RPAP3: variants seen among roughly 807,000 people sequenced by gnomAD.
RPAP3 encodes RNA polymerase II-associated protein 3.
A neutral mutation model predicts 88.8 loss-of-function variants in RPAP3; 58 were observed. That is an observed-to-expected ratio of 0.65 (90% CI 0.53 to 0.81). RPAP3 has a LOEUF of 0.81. Ranked by LOEUF, RPAP3 falls within the 40% of genes least tolerant of loss-of-function variation. RPAP3 has a pLI of 0.00. For missense variants in RPAP3, 751 were observed against 764.3 expected (o/e 0.98, Z 0.20); for synonymous variants, 255 against 259.9 (o/e 0.98, Z 0.18).
intron 15 of RPAP3, 130 bp downstream of exon 15, chr12:47,667,624 T>C (rs1204721215): frequency 9.1e-6 from 5 of 548,848 alleles, no homozygotes; most frequent in Non-Finnish European, 1.3e-5. Context: ...AATTTTACCA[T>C]AGGCCAATTG....
chr12:47,687,798 G>T (rs930270314), intron 8 of RPAP3, 78 bp downstream of exon 8: 2 of 1,468,218 alleles, frequency 1.4e-6, no homozygotes, highest in Admixed American at 4.3e-5. Flanking sequence ...AGAGAAGAAA[G>T]AAATTAACTG....
At position 47,701,485 on chromosome 12, in the gene RPAP3, C is replaced by A; in HGVS notation, c.273G>T (p.Glu91Asp). The A allele has an allele frequency of 6.3e-7, 1 of 1,584,834 alleles. No homozygotes were observed. The highest frequency in any genetic ancestry group is 1.4e-5 in the African/African-American group (1 of 73,562). Reference sequence around the variant, plus strand: ...TTACCACATCAAGTTTTGCCCATGCCTCATAATCATAAGATTTTATCCTGT... The same window carrying A: ...TTACCACATCAAGTTTTGCCCATGCATCATAATCATAAGATTTTATCCTGT... ...TKNRIKSYDY[E>D]AWAKLDVDRI... is the part of the protein sequence containing the mutation. The change falls in exon 3 of 17, where the codon GAG (glutamate) becomes GAT (aspartate). Residue 91 changes from glutamate to aspartate, a missense_variant. Glu to Asp is a conservative substitution (Grantham distance 45). Transcript: ENST00000005386.
At chr12:47,675,221 T>G (rs1180984439) in intron 12 of RPAP3, among the ~76,000 whole-genome samples, 1 of 152,168 alleles carries the variant, frequency 6.6e-6, no homozygotes, top group African/African-American at 2.4e-5. Context: ...ACCACCCGGC[T>G]TGCCTTACAA....
intron 5 of RPAP3, among the ~76,000 whole-genome samples, chr12:47,691,895 G>A (rs1430412571): frequency 1.4e-4 from 22 of 152,014 alleles, no homozygotes; most frequent in Admixed American, 1.1e-3. Flanking sequence ...ACAGGTGCCC[G>A]CCACCACGCC....
At chr12:47,699,230 A>G (rs542606871) in intron 3 of RPAP3, among the ~76,000 whole-genome samples, 1 of 152,354 alleles carries the variant, frequency 6.6e-6, no homozygotes, top group East Asian at 1.9e-4. Context: ...GCAGGAGCTC[A>G]ATCAATATCT....
At chr12:47,701,394 C>T in intron 3 of RPAP3, 70 bp downstream of exon 3, 2 of 1,137,518 alleles carry the variant, frequency 1.8e-6, no homozygotes, top group Non-Finnish European at 2.5e-6. Context: ...TTCACTTAAC[C>T]CATGATTATC....
At chr12:47,705,342 G>C (rs556243077) in intron 1 of RPAP3, among the ~76,000 whole-genome samples, 1 of 152,316 alleles carries the variant, frequency 6.6e-6, no homozygotes, top group East Asian at 1.9e-4. Flanking sequence ...GCTTCTTTCA[G>C]GCAGTGTCCA....
At chr12:47,683,098 A>C (rs1384580376) in intron 9 of RPAP3, among the ~76,000 whole-genome samples, 1 of 152,058 alleles carries the variant, frequency 6.6e-6, no homozygotes, top group Non-Finnish European at 1.5e-5. Flanking sequence ...GCACTAGAAC[A>C]CTTGACCTGT....
Position 47,678,499 on chromosome 12 carries a change from T to G in RPAP3, c.1287+994A>C, listed in dbSNP as rs560907011. Among the ~76,000 whole-genome samples, 7 of 152,156 alleles carry G rather than the reference T, an allele frequency of 4.6e-5. No homozygotes were observed. In the South Asian group the frequency reaches 1.5e-3, roughly 32 times the overall value. On this transcript the variant is annotated intron_variant, in intron 12 of 16. Transcript: ENST00000005386. Reference sequence around the variant, plus strand: ...GGGAGAAAATTTTTGCAATCTACCCTCTGACAAAGGGCTAATATCCAGAAT... The same window carrying G: ...GGGAGAAAATTTTTGCAATCTACCCGCTGACAAAGGGCTAATATCCAGAAT...
In RPAP3 at chr12:47,702,762, C is replaced by T. The variant is rs200443326; in HGVS notation, c.79G>A (p.Asp27Asn). The T allele has an allele frequency of 4.3e-6, 7 of 1,612,584 alleles. No individual in the cohort carries two copies. The East Asian group carries it at 1.6e-4, about 36-fold the overall frequency. ...NAEELQDFMR[D>N]LENWEKDIKQ... ...ATGTCTTTTTCCCAGTTTTCTAAATCCCGCATAAAGTCTTGTAATTCTTCT... is the reference window on the plus strand; with the variant it reads ...ATGTCTTTTTCCCAGTTTTCTAAATTCCGCATAAAGTCTTGTAATTCTTCT... The change falls in exon 2 of 17, where the codon GAT (aspartate) becomes AAT (asparagine). Residue 27 changes from aspartate (D) to asparagine (N), a missense_variant. Asp to Asn is a conservative substitution (Grantham distance 23, BLOSUM62 1). Transcript: ENST00000005386.
intron 6 of RPAP3, 62 bp downstream of exon 6, chr12:47,690,456 T>C: frequency 7.3e-7 from 1 of 1,373,562 alleles, no homozygotes; most frequent in Non-Finnish European, 9.8e-7. Flanking sequence ...CTCAGTATTC[T>C]CCATATAGCA....
At chr12:47,677,981 C>CAT (rs1939150133) in intron 12 of RPAP3, among the ~76,000 whole-genome samples, 1 of 152,148 alleles carries the variant, frequency 6.6e-6, no homozygotes, top group Non-Finnish European at 1.5e-5. Context: ...AGGCATCAGG[C>CAT]TACCTGACCT....
At chr12:47,682,600 G>A (rs1452094096) in intron 9 of RPAP3, among the ~76,000 whole-genome samples, 3 of 151,572 alleles carry the variant, frequency 2.0e-5, no homozygotes, top group Non-Finnish European at 4.4e-5. Flanking sequence ...AAAAAAGTAT[G>A]GCTTGTTAGA....
chr12:47,677,106 G>A (rs1022546643), intron 12 of RPAP3, among the ~76,000 whole-genome samples: 7 of 152,086 alleles, frequency 4.6e-5, no homozygotes, highest in African/African-American at 1.7e-4. Flanking sequence ...ATCAATAAAC[G>A]TAATCCATCA....
At chr12:47,702,869 C>T (rs1162970776) in intron 1 of RPAP3, 23 bp from the exon 2 acceptor site, 8 of 1,597,748 alleles carry the variant, frequency 5.0e-6, no homozygotes, top group South Asian at 1.1e-5. Flanking sequence ...GAACAACCAA[C>T]CTCTGATAAG....
At chr12:47,697,531 A>G in intron 4 of RPAP3, 66 bp downstream of exon 4, 1 of 1,447,708 alleles carries the variant, frequency 6.9e-7, no homozygotes. Flanking sequence ...AAGAAACTTT[A>G]CGATCCACAT....
intron 3 of RPAP3, among the ~76,000 whole-genome samples, chr12:47,698,515 AT>A (rs1939583050): frequency 6.6e-6 from 1 of 151,962 alleles, no homozygotes; most frequent in Non-Finnish European, 1.5e-5. Flanking sequence ...GTAAGATTTT[AT>A]TTTTATTTTA....
At chr12:47,678,727 A>G (rs1188200512) in intron 12 of RPAP3, among the ~76,000 whole-genome samples, 2 of 151,340 alleles carry the variant, frequency 1.3e-5, no homozygotes, top group African/African-American at 2.4e-5. Flanking sequence ...TAGAATGGCA[A>G]TCATTAAAAA....
intron 5 of RPAP3, among the ~76,000 whole-genome samples, chr12:47,691,426 T>C (rs1939426587): frequency 6.6e-6 from 1 of 152,172 alleles, no homozygotes; most frequent in African/African-American, 2.4e-5. Context: ...TCTTCCAAAC[T>C]CCTGTTAACA....
Sources: gnomAD v4.1 joint callset for allele counts (sites outside exome capture counted in the v4.1 genomes callset) on GRCh38, gnomAD v4.1.1 for gene constraint, MANE v1.5 for transcripts, NCBI Gene and HGNC (gene_info 2026-07-23, HGNC 2026-07-21) for gene names.